RYR2: variants seen among roughly 807,000 people sequenced by gnomAD.
RYR2 encodes ryanodine receptor 2.
RYR2 carries 227 observed loss-of-function variants against 601.1 expected under a neutral mutation model. That is an observed-to-expected ratio of 0.38 (90% confidence interval 0.34 to 0.42). The LOEUF (loss-of-function observed/expected upper bound fraction) is 0.42. Among genes scored for constraint, RYR2 ranks in the 10% least tolerant of loss-of-function variants. The pLI is 1.00. For synonymous variants in RYR2, 2,223 were observed against 2,175.1 expected, an observed-to-expected ratio of 1.02 and a Z score of -0.61; for missense variants, 4,646 against 6,156.5, an observed-to-expected ratio of 0.75 and a Z score of 8.21.
chr1:237,508,976 T>G (rs1313127916), intron 23 of RYR2, among the ~76,000 whole-genome samples: 1 of 151,828 alleles, frequency 6.6e-6, no homozygotes, highest in Admixed American at 6.6e-5. Flanking sequence ...TCTCCTGACC[T>G]CGTGATCCGC....
At position 237,803,521 on chromosome 1, in the gene RYR2, C is replaced by T. The variant is rs555907371; in HGVS notation, c.14151+1605C>T. ...TTCACCATGTTAGCCAGGATGGTCT[C>T]GATCTCCTGACCTCGTGAACCGACC... On this transcript the variant is annotated intron_variant, in intron 98 of 104. Coordinates refer to ENST00000366574, the MANE Select transcript of RYR2 (RefSeq NM_001035.3). 2.3e-3 allele frequency among the ~76,000 whole-genome samples: 343 copies of T among 152,126 alleles called. 4 individuals carry two copies. Among genetic ancestry groups the T allele is most frequent in the Middle Eastern group, 3.4e-3 (1 of 294 alleles).
At chr1:237,416,635 A>G (rs1705016856) in intron 10 of RYR2, among the ~76,000 whole-genome samples, 1 of 152,146 alleles carries the variant, frequency 6.6e-6, no homozygotes. Flanking sequence ...TTATATACAT[A>G]TGTTGAAATA....
intron 44 of RYR2, among the ~76,000 whole-genome samples, chr1:237,635,356 G>GT (rs1171675015): frequency 1.3e-5 from 2 of 151,964 alleles, no homozygotes; most frequent in South Asian, 2.1e-4. Flanking sequence ...ATTCTTATGT[G>GT]TTTTTTTCTT....
chr1:237,742,224 C>CT (rs1179306912), intron 79 of RYR2, 72 bp from the exon 80 acceptor site: 2 of 963,896 alleles, frequency 2.1e-6, no homozygotes, highest in Non-Finnish European at 3.1e-6. Flanking sequence ...TCTTCTATGT[C>CT]TAATGTTCTT....
chr1:237,440,381 A>G (rs1450508022), intron 12 of RYR2, among the ~76,000 whole-genome samples: 1 of 152,240 alleles, frequency 6.6e-6, no homozygotes, highest in Non-Finnish European at 1.5e-5. Flanking sequence ...CCAAGGAAGA[A>G]AAAAGAATAA....
At chr1:237,130,348 A>G (rs1036140392) in intron 1 of RYR2, among the ~76,000 whole-genome samples, 4 of 152,198 alleles carry the variant, frequency 2.6e-5, no homozygotes, top group Non-Finnish European at 5.9e-5. Flanking sequence ...AGAGAACTAC[A>G]TAACTAGGAA....
chr1:237,823,023 G>C (rs922066960), intron 101 of RYR2, among the ~76,000 whole-genome samples: 1 of 152,166 alleles, frequency 6.6e-6, no homozygotes, highest in Non-Finnish European at 1.5e-5. Flanking sequence ...GGAACACCCA[G>C]ATGCATAAAG....
At position 237,830,485 on chromosome 1, in the gene RYR2, T is replaced by TCCAGAG. The variant is rs1229688018; in HGVS notation, c.14656-45_14656-44insCCAGAG. The stretch of plus-strand genomic sequence containing the variant: ...ATGGCGAGTTGTGTTTTCCTTTTGT[T>TCCAGAG]TTGCTTTCTGAACTCTGACGTTAAT... On this transcript the variant is annotated intron_variant, in intron 102 of 104. Transcript: ENST00000366574. The TCCAGAG allele has an allele frequency of 2.5e-6, 3 of 1,205,968 alleles. No homozygotes were observed. In the South Asian group the frequency reaches 3.6e-5, roughly 15 times the overall value. The allele number at this position is 1,205,968 out of a possible 1,614,324, so 74.7% of individuals were successfully genotyped here. A position where few individuals can be genotyped will look rare whatever the true frequency, so the allele number is the denominator to read the frequency against.
At chr1:237,396,579 G>T (rs1702878486) in intron 10 of RYR2, among the ~76,000 whole-genome samples, 1 of 152,112 alleles carries the variant, frequency 6.6e-6, no homozygotes, top group Non-Finnish European at 1.5e-5. Context: ...TTGCCTGAGG[G>T]GAGGTTTGAG....
At chr1:237,250,626 A>G (rs1253858925) in intron 1 of RYR2, among the ~76,000 whole-genome samples, 1 of 152,136 alleles carries the variant, frequency 6.6e-6, no homozygotes, top group Non-Finnish European at 1.5e-5. Flanking sequence ...TCACTGAGAA[A>G]ACAGAAGCAG....
At chr1:237,617,182 A>G in intron 37 of RYR2, 104 bp from the exon 38 acceptor site, 1 of 1,042,220 alleles carries the variant, frequency 9.6e-7, no homozygotes, top group Admixed American at 2.8e-5. Flanking sequence ...TGTTTCTAAG[A>G]GAGAAGAGTA....
At chr1:237,762,520 A>T (rs1018069341) in intron 84 of RYR2, among the ~76,000 whole-genome samples, 1 of 152,198 alleles carries the variant, frequency 6.6e-6, no homozygotes, top group African/African-American at 2.4e-5. Flanking sequence ...TCCTACCGCA[A>T]ATCCATAGTC....
In RYR2 at chr1:237,819,571, C is replaced by T. The variant is rs554184453; in HGVS notation, c.14590+379C>T. 2.3e-4 allele frequency among the ~76,000 whole-genome samples: 35 copies of T among 152,252 alleles called. No homozygotes were observed. Among genetic ancestry groups the T allele is most frequent in the African/African-American group, 7.9e-4 (33 of 41,552 alleles). ...CGGTGGCTCATGCCTGTAATCCAAG[C>T]ACTTTGGGAGGCTGAAGGGGGATGG... On this transcript the variant is annotated intron_variant, in intron 101 of 104. Coordinates refer to ENST00000366574, the MANE Select transcript of RYR2 (RefSeq NM_001035.3). This position sits in a 1 kb window ranked among gnomAD's most constrained non-coding sequence, Gnocchi z 4.0.
chr1:237,743,316 G>T (rs1224172381), intron 80 of RYR2, among the ~76,000 whole-genome samples: 1 of 152,142 alleles, frequency 6.6e-6, no homozygotes, highest in Non-Finnish European at 1.5e-5. Flanking sequence ...AAGTCAATGT[G>T]TCAAAAATAT....
In RYR2 at chr1:237,831,582, A is replaced by G. The variant is rs368520821; in HGVS notation, c.14808+17A>G. On this transcript the variant is annotated intron_variant, in intron 104 of 104. Coordinates refer to ENST00000366574, the MANE Select transcript of RYR2 (RefSeq NM_001035.3). ...ACAGGACAGGTAGGTAAATTATTAC[A>G]TGTCATCTTCTGAAAGAAATGATAG... The G allele has an allele frequency of 9.7e-6, 14 of 1,445,014 alleles. No homozygotes were observed. Among genetic ancestry groups the G allele is most frequent in the Admixed American group, 7.0e-5 (4 of 56,782 alleles). 89.5% of individuals were successfully genotyped at this position (1,445,014 alleles called of 1,614,324 possible).
In RYR2 at chr1:237,180,869, A is replaced by G. The variant is rs1290946069; in HGVS notation, c.49-89628A>G. Among the ~76,000 whole-genome samples the G allele has an allele frequency of 6.7e-6, 1 of 148,386 alleles. No individual in the cohort carries two copies. Among genetic ancestry groups the G allele is most frequent in the Non-Finnish European group, 1.5e-5 (1 of 67,310 alleles). ...TAAAGTATATATTTATACTAATTAA[A>G]TATATTTGATTATATAATTATAACA... On this transcript the variant is annotated intron_variant, in intron 1 of 104. Transcript: ENST00000366574. The surrounding 1 kb of genome is among the most constrained non-coding windows in gnomAD (Gnocchi z 5.3).
chr1:237,549,628 CTTTTTTTTTT>C (rs57579159), intron 26 of RYR2, among the ~76,000 whole-genome samples: 3 of 77,710 alleles, frequency 3.9e-5, no homozygotes, highest in South Asian at 6.3e-4. Context: ...CCATAGCTTT[CTTTTTTTTTT>C]TTTTTTTTTT....
At chr1:237,208,576 C>T (rs766992821) in intron 1 of RYR2, among the ~76,000 whole-genome samples, 3 of 151,966 alleles carry the variant, frequency 2.0e-5, no homozygotes, top group Admixed American at 2.0e-4. Context: ...TTTATGGTGG[C>T]ATAATTGTCA....
At chr1:237,404,193 G>A (rs1296958745) in intron 10 of RYR2, among the ~76,000 whole-genome samples, 1 of 152,208 alleles carries the variant, frequency 6.6e-6, no homozygotes, top group East Asian at 1.9e-4. Flanking sequence ...GGTTGAGGCT[G>A]TAGTGAGCTG....
Sources: gnomAD v4.1 joint callset for allele counts (sites outside exome capture counted in the v4.1 genomes callset) on GRCh38, gnomAD v4.1.1 for gene constraint, Gnocchi (gnomAD v3.1) non-coding constraint, MANE v1.5 for transcripts, NCBI Gene and HGNC (gene_info 2026-07-23, HGNC 2026-07-21) for gene names.